The following WWOX variants were observed in gnomAD, a reference collection of about 807,000 sequenced individuals.
The protein encoded by WWOX is WW domain-containing oxidoreductase.
Under a neutral mutation model 46.2 loss-of-function variants are expected in WWOX, and 69 were observed. That is an observed-to-expected ratio of 1.49 (90% confidence interval 1.23 to 1.82). WWOX has a LOEUF of 1.82. Among genes scored for constraint, WWOX ranks in the 40% most tolerant of loss-of-function variants. The pLI is 0.00. For missense variants in WWOX, 919 were observed against 542.6 expected, an observed-to-expected ratio of 1.69 and a Z score of -6.89; for synonymous variants, 359 against 202.6, an observed-to-expected ratio of 1.77 and a Z score of -6.56.
intron 8 of WWOX, among the ~76,000 whole-genome samples, chr16:79,001,638 T>C (rs1353233564): frequency 6.6e-6 from 1 of 151,344 alleles, no homozygotes; most frequent in Non-Finnish European, 1.5e-5. Context: ...CTACTCTATA[T>C]TATGTGGGAA....
At chr16:79,023,693 G>A (rs1172948252) in intron 8 of WWOX, among the ~76,000 whole-genome samples, 1 of 151,916 alleles carries the variant, frequency 6.6e-6, no homozygotes, top group Non-Finnish European at 1.5e-5. Flanking sequence ...GCTGAGGCAG[G>A]TAGATCACCT....
At chr16:78,757,847 C>T (rs2049693926) in intron 8 of WWOX, among the ~76,000 whole-genome samples, 1 of 151,924 alleles carries the variant, frequency 6.6e-6, no homozygotes, top group South Asian at 2.1e-4. Flanking sequence ...ACAAGTCCAC[C>T]AGTCTCATTC....
rs567758104 is a variant in WWOX, at chr16:79,092,594, T to C, written c.1057-119014T>C. Among the ~76,000 whole-genome samples the C allele has an allele frequency of 1.2e-4, 18 of 152,276 alleles. No homozygotes were observed. The South Asian group carries it at 3.7e-3, about 32-fold the overall frequency. On this transcript the variant is annotated intron_variant, in intron 8 of 8. Transcript: ENST00000566780. ...CACGTTCCTTGTTTTGTGTAATTGG[T>C]CTTTAGCCTGATCTGATTCATCTGG...
At chr16:79,011,658 ATTT>A (rs917234017) in intron 8 of WWOX, among the ~76,000 whole-genome samples, 2 of 150,126 alleles carry the variant, frequency 1.3e-5, no homozygotes, top group African/African-American at 4.9e-5. Flanking sequence ...ATAGCCAGCT[ATTT>A]TTTTTGCATT....
chr16:78,243,380 G>A (rs375751520), intron 5 of WWOX, among the ~76,000 whole-genome samples: 1 of 151,952 alleles, frequency 6.6e-6, no homozygotes, highest in African/African-American at 2.4e-5. Flanking sequence ...AAAAACTTTA[G>A]TTTCTGGGGT....
At chr16:78,851,397 A>G (rs1247031373) in intron 8 of WWOX, among the ~76,000 whole-genome samples, 1 of 152,254 alleles carries the variant, frequency 6.6e-6, no homozygotes, top group Non-Finnish European at 1.5e-5. Flanking sequence ...TTATAGGCAG[A>G]AGTACGGGTA....
chr16:78,874,418 C>T (rs892202293), intron 8 of WWOX, among the ~76,000 whole-genome samples: 1 of 152,092 alleles, frequency 6.6e-6, no homozygotes, highest in Non-Finnish European at 1.5e-5. Flanking sequence ...AAGTCCCGCT[C>T]CCTTGGAATG....
At chr16:78,598,569 G>A (rs914433270) in intron 8 of WWOX, among the ~76,000 whole-genome samples, 9 of 152,240 alleles carry the variant, frequency 5.9e-5, no homozygotes, top group African/African-American at 1.9e-4. Context: ...CTCTCAGGTC[G>A]GTGCCATCGG....
At chr16:78,664,904 G>C (rs914802246) in intron 8 of WWOX, among the ~76,000 whole-genome samples, 5 of 152,226 alleles carry the variant, frequency 3.3e-5, no homozygotes, top group African/African-American at 9.6e-5. Flanking sequence ...CACTTACAAT[G>C]TGACTGGAAT....
chr16:78,538,345 C>T (rs1106217), intron 8 of WWOX, among the ~76,000 whole-genome samples: 84,653 of 151,258 alleles, frequency 0.56, 25,828 homozygotes, highest in Admixed American at 0.7. Flanking sequence ...CGGCTGCCAG[C>T]GCTCTATACA....
At chr16:78,504,903 T>A (rs1203412657) in intron 8 of WWOX, among the ~76,000 whole-genome samples, 1 of 152,104 alleles carries the variant, frequency 6.6e-6, no homozygotes, top group Non-Finnish European at 1.5e-5. Flanking sequence ...AAACCCACAT[T>A]AATTAATATA....
At chr16:78,545,253 C>T (rs187221348) in intron 8 of WWOX, among the ~76,000 whole-genome samples, 3 of 152,092 alleles carry the variant, frequency 2.0e-5, no homozygotes, top group African/African-American at 7.2e-5. Flanking sequence ...AAGTGAATGT[C>T]CAGCCCCAAC....
intron 8 of WWOX, among the ~76,000 whole-genome samples, chr16:79,072,201 G>A (rs1214349729): frequency 6.6e-6 from 1 of 152,114 alleles, no homozygotes; most frequent in African/African-American, 2.4e-5. Flanking sequence ...TGGGAGGATT[G>A]CTTGAGCCTA....
chr16:78,841,983 G>A (rs192452085), intron 8 of WWOX, among the ~76,000 whole-genome samples: 3 of 152,162 alleles, frequency 2.0e-5, no homozygotes, highest in African/African-American at 4.8e-5. Context: ...CTATTCTCTG[G>A]AAGGGAAGGG....
intron 5 of WWOX, among the ~76,000 whole-genome samples, chr16:78,261,817 T>TAC (rs2079248850): frequency 1.4e-5 from 2 of 146,128 alleles, no homozygotes; most frequent in African/African-American, 5.0e-5. Context: ...TATATATATA[T>TAC]ACTTATAATG....
intron 8 of WWOX, among the ~76,000 whole-genome samples, chr16:78,760,872 C>G (rs141785482): frequency 2.5e-3 from 374 of 152,254 alleles, no homozygotes; most frequent in African/African-American, 8.3e-3. Context: ...CTGGGGAGGC[C>G]TCACAATCAT....
intron 8 of WWOX, among the ~76,000 whole-genome samples, chr16:78,736,224 A>T (rs370067501): frequency 6.6e-6 from 1 of 152,070 alleles, no homozygotes; most frequent in Admixed American, 6.5e-5. Context: ...TCACACCTCA[A>T]ACTTGACCCG....
chr16:78,583,134 C>T (rs562013402), intron 8 of WWOX, among the ~76,000 whole-genome samples: 1 of 152,114 alleles, frequency 6.6e-6, no homozygotes, highest in Non-Finnish European at 1.5e-5. Context: ...AGCCTTTGTC[C>T]TTGTGAGTCT....
chr16:78,996,489 A>C, intron 8 of WWOX: 2 of 199,366 alleles, frequency 1.0e-5, no homozygotes, highest in Non-Finnish European at 1.8e-5. Flanking sequence ...TGCATTCATA[A>C]TGATCAGCTT....
Sources: gnomAD v4.1 joint callset for allele counts (sites outside exome capture counted in the v4.1 genomes callset) on GRCh38, gnomAD v4.1.1 for gene constraint, MANE v1.5 for transcripts, NCBI Gene and HGNC (gene_info 2026-07-23, HGNC 2026-07-21) for gene names.